Variants in PLCL2 observed in about 807,000 individuals in gnomAD.
The protein encoded by PLCL2 is phospholipase C like 2.
PLCL2 carries 4 observed loss-of-function variants against 79.6 expected under a neutral mutation model. That is an observed-to-expected ratio of 0.05 (90% CI 0.02 to 0.11). The LOEUF (loss-of-function observed/expected upper bound fraction) is 0.11. PLCL2 is among the 10% of genes least tolerant of loss of function. PLCL2 has a pLI of 1.00. For missense variants in PLCL2, 895 were observed against 1,291.0 expected, an observed-to-expected ratio of 0.69 and a Z score of 4.70; for synonymous variants, 484 against 457.7, an observed-to-expected ratio of 1.06 and a Z score of -0.73.
At chr3:16,960,249 C>T (rs2063743142) in intron 1 of PLCL2, among the ~76,000 whole-genome samples, 2 of 152,200 alleles carry the variant, frequency 1.3e-5, no homozygotes, top group Non-Finnish European at 2.9e-5. Context: ...CATAAATCAG[C>T]CCACTCCATT....
At chr3:16,944,682 C>T (rs899834915) in intron 1 of PLCL2, among the ~76,000 whole-genome samples, 2 of 151,750 alleles carry the variant, frequency 1.3e-5, no homozygotes, top group African/African-American at 4.8e-5. Flanking sequence ...GGACTTGCAG[C>T]ACCAGAACTG....
chr3:17,050,491 A>T (rs190436368), intron 4 of PLCL2, among the ~76,000 whole-genome samples: 105 of 152,334 alleles, frequency 6.9e-4, no homozygotes, highest in African/African-American at 2.3e-3. Flanking sequence ...CAAAATGTTT[A>T]ATAGGAATTT....
intron 4 of PLCL2, among the ~76,000 whole-genome samples, chr3:17,047,301 G>T (rs142321748): frequency 6.6e-6 from 1 of 152,352 alleles, no homozygotes; most frequent in Non-Finnish European, 1.5e-5. Context: ...CAAAGAGCCC[G>T]CATAGGACAC....
At chr3:16,993,737 A>C (rs1201817323) in intron 1 of PLCL2, among the ~76,000 whole-genome samples, 1 of 152,256 alleles carries the variant, frequency 6.6e-6, no homozygotes, top group Admixed American at 6.5e-5. Context: ...AGCATGACTT[A>C]TAAATGCCTA....
chr3:16,932,970 GA>G (rs1697443224), intron 1 of PLCL2: 4 of 152,254 alleles, frequency 2.6e-5, no homozygotes, highest in African/African-American at 7.2e-5. Context: ...CACAAAAGCA[GA>G]ATTTGTAGTT....
intron 1 of PLCL2, among the ~76,000 whole-genome samples, chr3:16,994,764 C>T (rs2064136729): frequency 6.6e-6 from 1 of 152,132 alleles, no homozygotes; most frequent in South Asian, 2.1e-4. Flanking sequence ...TTCTGACATC[C>T]CCCTTCTACC....
At chr3:17,016,919 CAG>C (rs2064391595) in intron 3 of PLCL2, among the ~76,000 whole-genome samples, 1 of 152,144 alleles carries the variant, frequency 6.6e-6, no homozygotes, top group Non-Finnish European at 1.5e-5. Flanking sequence ...AGCTTTTTAA[CAG>C]GGACTTCTTG....
intron 3 of PLCL2, among the ~76,000 whole-genome samples, chr3:17,028,181 G>C (rs529554938): frequency 6.6e-6 from 1 of 152,168 alleles, no homozygotes; most frequent in African/African-American, 2.4e-5. Flanking sequence ...TTAGTGAGCA[G>C]CTCTGCATCG....
intron 3 of PLCL2, among the ~76,000 whole-genome samples, chr3:17,018,874 CCTA>C (rs1415188560): frequency 3.3e-5 from 5 of 152,112 alleles, no homozygotes; most frequent in African/African-American, 1.2e-4. Context: ...TTATTGAGTG[CCTA>C]CTGTGTACCA....
At chr3:16,962,665 G>T (rs1403696297) in intron 1 of PLCL2, among the ~76,000 whole-genome samples, 5 of 152,054 alleles carry the variant, frequency 3.3e-5, no homozygotes, top group African/African-American at 4.8e-5. Context: ...AATCAGAGGG[G>T]AGCAAAAGGA....
chr3:16,912,115 A>G (rs1193162591), intron 1 of PLCL2, among the ~76,000 whole-genome samples: 1 of 152,212 alleles, frequency 6.6e-6, no homozygotes, highest in Non-Finnish European at 1.5e-5. Flanking sequence ...CTTAATATGT[A>G]GTAGTATATG....
chr3:16,906,681 A>G (rs184171324), intron 1 of PLCL2, among the ~76,000 whole-genome samples: 95 of 152,340 alleles, frequency 6.2e-4, no homozygotes, highest in Middle Eastern at 3.4e-3. Context: ...TACATAATAA[A>G]TTATTTTCTA....
chr3:17,078,618 T>G (rs749021576), intron 5 of PLCL2, among the ~76,000 whole-genome samples: 1 of 152,178 alleles, frequency 6.6e-6, no homozygotes, highest in African/African-American at 2.4e-5. Context: ...AATTAGAGAT[T>G]CATTCTCTTT....
chr3:16,960,029 T>C (rs559752622), intron 1 of PLCL2, among the ~76,000 whole-genome samples: 56 of 152,046 alleles, frequency 3.7e-4, no homozygotes, highest in Non-Finnish European at 6.6e-4. Context: ...GGCGTGAACC[T>C]GGGAGGCGGA....
intron 1 of PLCL2, among the ~76,000 whole-genome samples, chr3:16,942,673 T>C (rs1416298358): frequency 1.3e-5 from 2 of 152,242 alleles, no homozygotes; most frequent in Non-Finnish European, 2.9e-5. Context: ...TTAATACTTT[T>C]ATTGCTTTCT....
chr3:17,023,950 C>T (rs1294649155), intron 3 of PLCL2, among the ~76,000 whole-genome samples: 1 of 152,308 alleles, frequency 6.6e-6, no homozygotes, highest in Middle Eastern at 3.4e-3. Context: ...CCCCATCACA[C>T]TTGTGAGACT....
At position 16,930,426 on chromosome 3, in the gene PLCL2, TTTATTCTATCTGTAGA is replaced by T. The variant is rs1697365416; in HGVS notation, c.327+45062_327+45077del. On this transcript the variant is annotated intron_variant, in intron 1 of 5. Coordinates refer to ENST00000615277, the MANE Select transcript of PLCL2 (RefSeq NM_001144382.2). ...GTGTTTGAAAGTCTCCTAATTGTTATTTATTCTATCTGTAGATCTATAGTCCAACCAATGTATGAAT... is the reference window on the plus strand; with the variant it reads ...GTGTTTGAAAGTCTCCTAATTGTTATTCTATAGTCCAACCAATGTATGAAT... Among the ~76,000 whole-genome samples, 2 of 152,328 alleles carry T rather than the reference TTTATTCTATCTGTAGA, an allele frequency of 1.3e-5. 1 individual carries two copies. The highest frequency in any genetic ancestry group is 4.8e-5 in the African/African-American group (2 of 41,582).
chr3:16,984,765 T>C (rs1186846821), intron 1 of PLCL2, among the ~76,000 whole-genome samples: 1 of 152,078 alleles, frequency 6.6e-6, no homozygotes, highest in East Asian at 1.9e-4. Context: ...ACCCTGTCTC[T>C]ACTAAAAATA....
At chr3:16,966,215 T>G (rs2063805185) in intron 1 of PLCL2, among the ~76,000 whole-genome samples, 1 of 138,270 alleles carries the variant, frequency 7.2e-6, no homozygotes, top group Non-Finnish European at 1.6e-5. Context: ...TTATTGAGAG[T>G]TTTTAGCATG....
Sources: allele counts gnomAD v4.1 joint callset (sites outside exome capture counted in the v4.1 genomes callset), GRCh38; gene constraint gnomAD v4.1.1; transcripts MANE v1.5; gene names NCBI Gene and HGNC (gene_info 2026-07-23, HGNC 2026-07-21).